KIAA1958: variants seen among roughly 807,000 people sequenced by gnomAD.
The protein encoded by KIAA1958 is KIAA1958.
KIAA1958 carries 14 observed loss-of-function variants against 47.2 expected under a neutral mutation model. The ratio of observed to expected loss-of-function variants is 0.30; its 90% CI spans 0.20 to 0.46. The LOEUF is 0.46. Among genes scored for constraint, KIAA1958 ranks in the 20% least tolerant of loss-of-function variants. The pLI is 1.00. For missense variants in KIAA1958, 803 were observed against 909.2 expected, an observed-to-expected ratio of 0.88 and a Z score of 1.50; for synonymous variants, 354 against 353.3, an observed-to-expected ratio of 1.00 and a Z score of -0.02.
intron 1 of KIAA1958, among the ~76,000 whole-genome samples, chr9:112,545,194 T>G (rs890884130): frequency 6.6e-6 from 1 of 152,198 alleles, no homozygotes; most frequent in Non-Finnish European, 1.5e-5. Context: ...CCAAATCTGC[T>G]TGTTTTGCAG....
At chr9:112,647,539 C>T (rs1836996896) in intron 3 of KIAA1958, among the ~76,000 whole-genome samples, 1 of 151,878 alleles carries the variant, frequency 6.6e-6, no homozygotes, top group African/African-American at 2.4e-5. Context: ...CAACAAACAA[C>T]AGATTTAGAC....
At chr9:112,566,266 T>G (rs190034991) in intron 1 of KIAA1958, among the ~76,000 whole-genome samples, 2 of 152,188 alleles carry the variant, frequency 1.3e-5, no homozygotes, top group East Asian at 3.9e-4. Flanking sequence ...TTAATAAAAT[T>G]TATAATTTTA....
intron 1 of KIAA1958, among the ~76,000 whole-genome samples, chr9:112,568,801 T>C (rs13295306): frequency 0.3 from 44,718 of 148,600 alleles, 7,000 homozygotes; most frequent in Middle Eastern, 0.41. Flanking sequence ...GGTGGGAGGG[T>C]TACCGGAGCC....
intron 1 of KIAA1958, among the ~76,000 whole-genome samples, chr9:112,487,946 C>CGTGCGT (rs1833896171): frequency 1.4e-5 from 2 of 145,842 alleles, no homozygotes; most frequent in South Asian, 4.4e-4. Flanking sequence ...AGTGTGTGTG[C>CGTGCGT]GTGTGTGTGT....
chr9:112,598,232 G>A (rs1178404666), intron 2 of KIAA1958, among the ~76,000 whole-genome samples: 2 of 152,148 alleles, frequency 1.3e-5, no homozygotes, highest in African/African-American at 2.4e-5. Flanking sequence ...GAGCGAAGAT[G>A]CCTTAAGATA....
intron 2 of KIAA1958, among the ~76,000 whole-genome samples, chr9:112,634,390 G>A (rs376111596): frequency 2.6e-4 from 40 of 152,056 alleles, no homozygotes; most frequent in East Asian, 1.6e-3. Flanking sequence ...CACCATGCCC[G>A]GCTAATTTTT....
intron 1 of KIAA1958, among the ~76,000 whole-genome samples, chr9:112,566,977 T>G (rs934592313): frequency 5.3e-5 from 8 of 152,150 alleles, no homozygotes; most frequent in African/African-American, 9.7e-5. Context: ...ATATTAATTA[T>G]TTTTTATTAT....
In KIAA1958 at chr9:112,648,707, C is replaced by A. The variant is rs376676679; in HGVS notation, c.1344+2885C>A. Among the ~76,000 whole-genome samples, 7 of 152,316 alleles carry A rather than the reference C, an allele frequency of 4.6e-5. 2 individuals carry two copies. Among genetic ancestry groups the A allele is most frequent in the African/African-American group, 1.7e-4 (7 of 41,578 alleles). ...GCTTTGATCCAAAATGAGAATCTCACAAGGATCCAAAAGGATCAAAGCATT... is the reference window on the plus strand; with the variant it reads ...GCTTTGATCCAAAATGAGAATCTCAAAAGGATCCAAAAGGATCAAAGCATT... On this transcript the variant is annotated intron_variant, in intron 3 of 3. Coordinates refer to ENST00000337530, the MANE Select transcript of KIAA1958 (RefSeq NM_133465.4).
At position 112,668,924 on chromosome 9, in the gene KIAA1958, T is replaced by C. The variant is rs1408711305; in HGVS notation, c.*8855T>C. 6.6e-6 allele frequency: 1 copy of C among 152,252 alleles called. No individual in the cohort carries two copies. The highest frequency in any genetic ancestry group is 1.5e-5 in the Non-Finnish European group (1 of 68,052). The allele number at this position is 152,252 out of a possible 1,614,324, so 9.4% of individuals were successfully genotyped here. A position where few individuals can be genotyped will look rare whatever the true frequency, so the allele number is the denominator to read the frequency against. On this transcript the variant is annotated 3_prime_UTR_variant, in exon 4 of 4. Coordinates refer to ENST00000337530, the MANE Select transcript of KIAA1958 (RefSeq NM_133465.4). ...GCTTTTATTTAAAAATTTAATATTTTCTATGGGGCTGTATTTTCCAAATAA... is the reference window on the plus strand; with the variant it reads ...GCTTTTATTTAAAAATTTAATATTTCCTATGGGGCTGTATTTTCCAAATAA...
chr9:112,647,661 A>G lies in KIAA1958; in HGVS notation c.1344+1839A>G, dbSNP rs1365296295. Among the ~76,000 whole-genome samples the G allele has an allele frequency of 2.0e-5, 3 of 152,352 alleles. No individual in the cohort carries two copies. In the Middle Eastern group the frequency reaches 0.01, roughly 518 times the overall value. On this transcript the variant is annotated intron_variant, in intron 3 of 3. Coordinates refer to ENST00000337530, the MANE Select transcript of KIAA1958 (RefSeq NM_133465.4). The stretch of plus-strand genomic sequence containing the variant: ...GATTTAAAAACAAATTGAAATTTCC[A>G]TTTCTTGCCAGAATTACCCTCCTAG...
In KIAA1958 at chr9:112,496,692, C is replaced by T. The variant is rs550076972; in HGVS notation, c.-25+9574C>T. On this transcript the variant is annotated intron_variant, in intron 1 of 3. Transcript: ENST00000337530. Reference sequence around the variant, plus strand: ...CCTGCCTCTTTGTTTGATTTGGATTCTAGTCCACGGTGTTCTTCCTAAAGC... The same window carrying T: ...CCTGCCTCTTTGTTTGATTTGGATTTTAGTCCACGGTGTTCTTCCTAAAGC... Among the ~76,000 whole-genome samples the T allele has an allele frequency of 2.6e-5, 4 of 152,252 alleles. No homozygotes were observed. In the South Asian group the frequency reaches 6.2e-4, roughly 24 times the overall value.
chr9:112,595,670 T>G (rs1588033222), intron 2 of KIAA1958, among the ~76,000 whole-genome samples: 1 of 49,998 alleles, frequency 2.0e-5, no homozygotes, highest in Non-Finnish European at 3.6e-5. Context: ...AGAGTGAGAC[T>G]CCATCTAAAA....
At chr9:112,638,569 G>C (rs986776389) in intron 2 of KIAA1958, among the ~76,000 whole-genome samples, 1 of 151,932 alleles carries the variant, frequency 6.6e-6, no homozygotes, top group African/African-American at 2.4e-5. Context: ...GTTATTCTAC[G>C]TGCCTACATT....
At chr9:112,647,041 G>T (rs1315259817) in intron 3 of KIAA1958, among the ~76,000 whole-genome samples, 1 of 152,144 alleles carries the variant, frequency 6.6e-6, no homozygotes, top group Non-Finnish European at 1.5e-5. Flanking sequence ...TTTGAGTGAT[G>T]TGCTTAGGGA....
chr9:112,496,215 A>G (rs1023218093), intron 1 of KIAA1958, among the ~76,000 whole-genome samples: 1 of 152,250 alleles, frequency 6.6e-6, no homozygotes, highest in African/African-American at 2.4e-5. Context: ...TATTTACACA[A>G]TGGAATACTG....
rs1406252896 is a variant in KIAA1958, at chr9:112,667,795, A to G, written c.*7726A>G. On this transcript the variant is annotated 3_prime_UTR_variant, in exon 4 of 4. Transcript: ENST00000337530. Reference sequence around the variant, plus strand: ...AATATATGAGCTATGTAATAGTCTTACAAAGATAATAAGTTGTACAGCAAC... The same window carrying G: ...AATATATGAGCTATGTAATAGTCTTGCAAAGATAATAAGTTGTACAGCAAC... 6.6e-6 allele frequency: 1 copy of G among 152,212 alleles called. No individual in the cohort carries two copies. Among genetic ancestry groups the G allele is most frequent in the Non-Finnish European group, 1.5e-5 (1 of 68,022 alleles). 9.4% of individuals were successfully genotyped at this position (152,212 alleles called of 1,614,324 possible).
rs189215546 is a variant in KIAA1958 at position 112,549,338 on chromosome 9, G to A, written c.-24-24719G>A. Among the ~76,000 whole-genome samples the A allele has an allele frequency of 9.9e-5, 15 of 152,124 alleles. No homozygotes were observed. The East Asian group carries it at 1.2e-3, about 12-fold the overall frequency. On this transcript the variant is annotated intron_variant, in intron 1 of 3. Coordinates refer to ENST00000337530, the MANE Select transcript of KIAA1958 (RefSeq NM_133465.4). The stretch of plus-strand genomic sequence containing the variant: ...TTTCCCTTGGGTTTTATAACTCTCC[G>A]TACTATTACAAATTATTTTTCATAA...
intron 1 of KIAA1958, among the ~76,000 whole-genome samples, chr9:112,490,241 G>A (rs912213923): frequency 1.3e-5 from 2 of 152,156 alleles, no homozygotes; most frequent in Admixed American, 6.5e-5. Flanking sequence ...TTGGAGAGAA[G>A]CCATTTATTT....
In KIAA1958 at chr9:112,606,686, C is replaced by T. The variant is rs139748938; in HGVS notation, c.1171+31435C>T. 6.3e-3 allele frequency among the ~76,000 whole-genome samples: 958 copies of T among 152,284 alleles called. 16 individuals are homozygous for T. Among genetic ancestry groups the T allele is most frequent in the African/African-American group, 0.021 (890 of 41,552 alleles). ...TTCAAGTTATATTTCTTACCATGTA[C>T]ATTCAAAGAAAATTTCAATGAAGTT... On this transcript the variant is annotated intron_variant, in intron 2 of 3. Transcript: ENST00000337530.
Sources: gnomAD v4.1 joint callset for allele counts (sites outside exome capture counted in the v4.1 genomes callset) on GRCh38, gnomAD v4.1.1 for gene constraint, MANE v1.5 for transcripts, NCBI Gene and HGNC (gene_info 2026-07-23, HGNC 2026-07-21) for gene names.